Variants in TBC1D32 observed in about 807,000 individuals in gnomAD.
TBC1D32 encodes the protein protein broad-minded.
In TBC1D32, 151 loss-of-function variants were observed where a neutral mutation model predicts 170.3. The ratio of observed to expected loss-of-function variants is 0.89; its 90% CI spans 0.78 to 1.01. The LOEUF (loss-of-function observed/expected upper bound fraction) is 1.01. Ranked by LOEUF, TBC1D32 falls within the 50% of genes least tolerant of loss-of-function variation. The probability of loss-of-function intolerance (pLI) is 0.00; values close to 1 mark genes in which losing one functional copy is unlikely to be tolerated. For missense variants in TBC1D32, 1,464 were observed against 1,457.1 expected, an observed-to-expected ratio of 1.00 and a Z score of -0.08; for synonymous variants, 498 against 488.0, an observed-to-expected ratio of 1.02 and a Z score of -0.27.
At chr6:121,305,138 C>T (rs1167381178) in intron 5 of TBC1D32, among the ~76,000 whole-genome samples, 1 of 151,976 alleles carries the variant, frequency 6.6e-6, no homozygotes, top group Non-Finnish European at 1.5e-5. Context: ...GTAAAGGTGT[C>T]AAACAAAGGA....
At chr6:121,291,084 G>T (rs910366321) in intron 12 of TBC1D32, among the ~76,000 whole-genome samples, 24 of 151,888 alleles carry the variant, frequency 1.6e-4, no homozygotes, top group African/African-American at 5.8e-4. Flanking sequence ...TACCAACATG[G>T]CACATGTATA....
chr6:121,143,829 T>G (rs1226154452), intron 24 of TBC1D32, among the ~76,000 whole-genome samples: 2 of 152,076 alleles, frequency 1.3e-5, no homozygotes, highest in Non-Finnish European at 2.9e-5. Context: ...TTTTTTTCAT[T>G]GAGTTCACAG....
At chr6:121,288,683 T>G (rs867868931) in intron 12 of TBC1D32, among the ~76,000 whole-genome samples, 2 of 152,200 alleles carry the variant, frequency 1.3e-5, no homozygotes, top group Non-Finnish European at 1.5e-5. Flanking sequence ...TACCAAAGCC[T>G]GGCAGAGACA....
chr6:121,306,446 CAGTGTCTA>C, intron 5 of TBC1D32, among the ~76,000 whole-genome samples: 1 of 152,222 alleles, frequency 6.6e-6, no homozygotes, highest in Non-Finnish European at 1.5e-5. Context: ...GGTGTGTTCC[CAGTGTCTA>C]AACGAGAATG....
chr6:121,246,428 C>G (rs1457847567), intron 17 of TBC1D32, among the ~76,000 whole-genome samples: 1 of 151,820 alleles, frequency 6.6e-6, no homozygotes, highest in African/African-American at 2.4e-5. Flanking sequence ...GTTGAAGAAA[C>G]AGTCTACCCA....
chr6:121,090,721 G>C (rs1329219864), intron 31 of TBC1D32, 132 bp downstream of exon 31: 7 of 745,584 alleles, frequency 9.4e-6, no homozygotes, highest in African/African-American at 7.2e-5. Flanking sequence ...CTCTAAAATG[G>C]GGATGATAAT....
At chr6:121,169,892 T>A (rs1217798602) in intron 22 of TBC1D32, among the ~76,000 whole-genome samples, 1 of 152,024 alleles carries the variant, frequency 6.6e-6, no homozygotes, top group Non-Finnish European at 1.5e-5. Context: ...ATGAAAAAAA[T>A]TATCAGGATA....
intron 22 of TBC1D32, among the ~76,000 whole-genome samples, chr6:121,190,083 C>T (rs996105712): frequency 1.3e-4 from 2 of 15,152 alleles, no homozygotes; most frequent in Non-Finnish European, 3.2e-4. Context: ...GACACACACA[C>T]ACACACACAC....
chr6:121,097,548 T>A (rs1777567680), intron 30 of TBC1D32, among the ~76,000 whole-genome samples: 1 of 152,132 alleles, frequency 6.6e-6, no homozygotes, highest in Non-Finnish European at 1.5e-5. Flanking sequence ...AAACAACAGA[T>A]GCTGGAGAGG....
In TBC1D32 at chr6:121,304,831, G is replaced by T; in HGVS notation, c.693C>A (p.Asp231Glu). Residue 231 changes from aspartate (D) to glutamate (E), a missense_variant and splice_region_variant, in exon 6 of 32, where the codon GAC (aspartate) becomes GAA (glutamate). Asp to Glu is a conservative substitution (Grantham distance 45). This residue lies in a region of TBC1D32 where 1,363 missense variants were observed against 1,338.1 expected (regional missense o/e 1.02). Coordinates refer to ENST00000398212, the MANE Select transcript of TBC1D32 (RefSeq NM_152730.6). ...TCTGTGCACAGAATTTTAAAATCCG[G>T]TCCTACGGAAATGAGACAGAAAATT... The part of the protein sequence containing the change: ...SLSDPDPVFS[D>E]RILKFCAQTF... 1 of 1,605,150 alleles carries T rather than the reference G, an allele frequency of 6.2e-7. No individual in the cohort carries two copies. Among genetic ancestry groups the T allele is most frequent in the Non-Finnish European group, 8.5e-7 (1 of 1,176,188 alleles).
chr6:121,107,220 G>T (rs1778783424), intron 29 of TBC1D32, among the ~76,000 whole-genome samples: 1 of 151,866 alleles, frequency 6.6e-6, no homozygotes, highest in Admixed American at 6.6e-5. Flanking sequence ...AAATACAGAA[G>T]ATTTATGTAA....
chr6:121,123,564 T>C (rs1355311050), intron 26 of TBC1D32, among the ~76,000 whole-genome samples: 3 of 152,102 alleles, frequency 2.0e-5, no homozygotes, highest in Non-Finnish European at 4.4e-5. Flanking sequence ...TCCTATCCTT[T>C]TATGGCTGCC....
chr6:121,257,607 A>T (rs1033510014), intron 15 of TBC1D32, among the ~76,000 whole-genome samples: 2 of 152,166 alleles, frequency 1.3e-5, no homozygotes, highest in African/African-American at 4.8e-5. Context: ...AAAATGCTTA[A>T]ATTTTCTTTT....
intron 22 of TBC1D32, among the ~76,000 whole-genome samples, chr6:121,168,897 C>A (rs1334895425): frequency 6.6e-6 from 1 of 151,916 alleles, no homozygotes; most frequent in Non-Finnish European, 1.5e-5. Context: ...AACTACAAGC[C>A]ACTGCTCAAA....
intron 4 of TBC1D32, 66 bp downstream of exon 4, chr6:121,310,713 T>C (rs1808061188): frequency 3.8e-6 from 4 of 1,047,970 alleles, no homozygotes; most frequent in East Asian, 2.6e-5. Flanking sequence ...TTGCTACTGA[T>C]TGTAATCTCA....
At chr6:121,097,426 A>G (rs1326843620) in intron 30 of TBC1D32, among the ~76,000 whole-genome samples, 1 of 152,226 alleles carries the variant, frequency 6.6e-6, no homozygotes, top group Non-Finnish European at 1.5e-5. Context: ...TATGCAGCCA[A>G]CAAACATATG....
chr6:121,228,527 G>GT (rs1795332597), intron 20 of TBC1D32, among the ~76,000 whole-genome samples: 1 of 151,970 alleles, frequency 6.6e-6, no homozygotes, highest in African/African-American at 2.4e-5. Context: ...CAAGTTATTT[G>GT]TAAGTATGTG....
intron 29 of TBC1D32, among the ~76,000 whole-genome samples, chr6:121,106,496 A>T (rs924351496): frequency 3.3e-5 from 5 of 152,072 alleles, no homozygotes; most frequent in Non-Finnish European, 5.9e-5. Context: ...CATATAAGTG[A>T]GTACACGAGT....
chr6:121,200,526 G>GC (rs1791405942), intron 22 of TBC1D32, among the ~76,000 whole-genome samples: 1 of 151,536 alleles, frequency 6.6e-6, no homozygotes, highest in South Asian at 2.1e-4. Flanking sequence ...AAGTTTCCAG[G>GC]CAACTGTTTT....
Sources: gnomAD v4.1 joint callset for allele counts (sites outside exome capture counted in the v4.1 genomes callset) on GRCh38, gnomAD v4.1.1 for gene constraint, gnomAD v4.1.1 regional missense constraint, MANE v1.5 for transcripts, NCBI Gene and HGNC (gene_info 2026-07-23, HGNC 2026-07-21) for gene names.